ADAMTS17: variants seen among roughly 807,000 people sequenced by gnomAD.
ADAMTS17 encodes ADAM metallopeptidase with thrombospondin type 1 motif 17.
Under a neutral mutation model 141.5 loss-of-function variants are expected in ADAMTS17, and 113 were observed. The ratio of observed to expected loss-of-function variants is 0.80; its 90% CI spans 0.69 to 0.93. The LOEUF is 0.93. Among genes scored for constraint, ADAMTS17 ranks in the 40% least tolerant of loss-of-function variants. The pLI is 0.00. For synonymous variants in ADAMTS17, 768 were observed against 630.6 expected (o/e 1.22, Z -3.27); for missense variants, 1,659 against 1,517.9 (o/e 1.09, Z -1.54).
At chr15:100,294,565 G>T (rs558531411) in intron 3 of ADAMTS17, among the ~76,000 whole-genome samples, 9 of 151,800 alleles carry the variant, frequency 5.9e-5, no homozygotes, top group African/African-American at 1.9e-4. Flanking sequence ...AAAAAAAGCT[G>T]GGGATGGTGG....
chr15:100,045,744 CAG>C (rs1363374112), intron 18 of ADAMTS17, among the ~76,000 whole-genome samples: 1 of 152,148 alleles, frequency 6.6e-6, no homozygotes, highest in Non-Finnish European at 1.5e-5. Context: ...GGGTAACTAT[CAG>C]AGTTTTAGCT....
intron 3 of ADAMTS17, among the ~76,000 whole-genome samples, chr15:100,301,323 TTA>T (rs140913683): frequency 1.7e-4 from 25 of 145,678 alleles, no homozygotes; most frequent in Non-Finnish European, 1.9e-4. Context: ...TCTATGTGAG[TTA>T]TATATATATA....
intron 4 of ADAMTS17, among the ~76,000 whole-genome samples, chr15:100,266,300 A>G (rs1169655882): frequency 6.6e-6 from 1 of 152,176 alleles, no homozygotes; most frequent in African/African-American, 2.4e-5. Context: ...CATGATGTAC[A>G]CACAAAACCA....
chr15:100,244,749 AC>A, intron 7 of ADAMTS17, among the ~76,000 whole-genome samples: 1 of 151,854 alleles, frequency 6.6e-6, no homozygotes, highest in South Asian at 2.1e-4. Flanking sequence ...CCGGAGCAGG[AC>A]CCTTGTTTCA....
intron 15 of ADAMTS17, among the ~76,000 whole-genome samples, chr15:100,090,672 C>A (rs181179408): frequency 1.3e-5 from 2 of 152,138 alleles, no homozygotes; most frequent in South Asian, 2.1e-4. Context: ...CTTATGCATG[C>A]GCTCTGCTAA....
chr15:100,263,676 G>C (rs972064308), intron 4 of ADAMTS17, among the ~76,000 whole-genome samples: 3 of 152,238 alleles, frequency 2.0e-5, no homozygotes, highest in Non-Finnish European at 2.9e-5. Flanking sequence ...AAACAGGATT[G>C]CGAGAGGTAC....
chr15:100,311,433 G>C (rs2045401929), intron 3 of ADAMTS17, among the ~76,000 whole-genome samples: 1 of 152,214 alleles, frequency 6.6e-6, no homozygotes, highest in Admixed American at 6.5e-5. Flanking sequence ...GAGCCACCTG[G>C]ACAGCCCCAG....
chr15:100,289,548 T>TCACA (rs35262820), intron 3 of ADAMTS17, among the ~76,000 whole-genome samples: 2,495 of 146,540 alleles, frequency 0.017, 36 homozygotes, highest in East Asian at 0.023. Context: ...ATACACACAC[T>TCACA]CACACACACA....
At chr15:100,215,742 G>GC (rs1236750196) in intron 7 of ADAMTS17, among the ~76,000 whole-genome samples, 2 of 152,104 alleles carry the variant, frequency 1.3e-5, no homozygotes, top group Middle Eastern at 3.2e-3. Flanking sequence ...ATGGGCCTCT[G>GC]CAAAGGGAGC....
At chr15:100,228,543 G>A (rs918749261) in intron 7 of ADAMTS17, among the ~76,000 whole-genome samples, 3 of 152,166 alleles carry the variant, frequency 2.0e-5, no homozygotes, top group Admixed American at 6.5e-5. Flanking sequence ...AGGAAAACTC[G>A]AGGGTGAGAG....
intron 18 of ADAMTS17, among the ~76,000 whole-genome samples, chr15:100,025,063 ATGT>A (rs2061480982): frequency 1.3e-5 from 2 of 152,156 alleles, no homozygotes; most frequent in Admixed American, 1.3e-4. Flanking sequence ...TGGTACGCTA[ATGT>A]TGTCTCCTAT....
chr15:100,187,585 C>T (rs2040764525), intron 8 of ADAMTS17, among the ~76,000 whole-genome samples: 1 of 152,212 alleles, frequency 6.6e-6, no homozygotes, highest in African/African-American at 2.4e-5. Context: ...TTCCACCCAG[C>T]ATTTGAACGT....
At chr15:100,317,763 T>C (rs2045611829) in intron 3 of ADAMTS17, among the ~76,000 whole-genome samples, 1 of 152,220 alleles carries the variant, frequency 6.6e-6, no homozygotes, top group African/African-American at 2.4e-5. Flanking sequence ...CTTCTCATGT[T>C]ATGGTGACAA....
Position 100,177,913 on chromosome 15 carries a change from C to T in ADAMTS17, c.1181+21405G>A, listed in dbSNP as rs575408380. Among the ~76,000 whole-genome samples the T allele has an allele frequency of 2.0e-5, 3 of 152,188 alleles. No homozygotes were observed. The East Asian group carries it at 5.8e-4, about 29-fold the overall frequency. On this transcript the variant is annotated intron_variant, in intron 8 of 21. Coordinates refer to ENST00000268070, the MANE Select transcript of ADAMTS17 (RefSeq NM_139057.4). ...ACCTTTTTATCATTATACAATGTCC[C>T]TCTTTGCCCCAGTCATCAATCTTCT...
At chr15:100,242,322 T>A (rs147539272) in intron 7 of ADAMTS17, among the ~76,000 whole-genome samples, 7 of 152,302 alleles carry the variant, frequency 4.6e-5, no homozygotes, top group Non-Finnish European at 8.8e-5. Context: ...TAATGCCAGA[T>A]GCAAATGAGG....
At chr15:100,094,948 A>G (rs2035671928) in intron 15 of ADAMTS17, among the ~76,000 whole-genome samples, 1 of 152,192 alleles carries the variant, frequency 6.6e-6, no homozygotes, top group Non-Finnish European at 1.5e-5. Flanking sequence ...TGCTGGGAAT[A>G]TTGTCTGCCT....
chr15:100,234,768 G>A (rs1596331544), intron 7 of ADAMTS17, among the ~76,000 whole-genome samples: 1 of 152,288 alleles, frequency 6.6e-6, no homozygotes, highest in African/African-American at 2.4e-5. Flanking sequence ...GCCTCTCCGG[G>A]AAACCTTCCA....
chr15:100,135,655 T>G (rs1458226764), intron 10 of ADAMTS17, among the ~76,000 whole-genome samples: 2 of 152,200 alleles, frequency 1.3e-5, no homozygotes, highest in East Asian at 3.8e-4. Context: ...CATAAGAGAT[T>G]TGTAATGTGT....
intron 14 of ADAMTS17, among the ~76,000 whole-genome samples, chr15:100,098,077 G>A (rs1466919788): frequency 1.3e-5 from 2 of 152,222 alleles, no homozygotes; most frequent in African/African-American, 4.8e-5. Flanking sequence ...ATAAAAAGAG[G>A]AAAAGGGTAA....
Sources: allele counts gnomAD v4.1 joint callset (sites outside exome capture counted in the v4.1 genomes callset), GRCh38; gene constraint gnomAD v4.1.1; transcripts MANE v1.5; gene names NCBI Gene and HGNC (gene_info 2026-07-23, HGNC 2026-07-21).